SH3BP4: variants seen among roughly 807,000 people sequenced by gnomAD.
SH3BP4 encodes the protein SH3 domain-binding protein 4.
Under a neutral mutation model 65.5 loss-of-function variants are expected in SH3BP4, and 33 were observed. That is an observed-to-expected ratio of 0.50 (90% CI 0.38 to 0.67). The LOEUF is 0.67. Ranked by LOEUF, SH3BP4 falls within the 30% of genes least tolerant of loss-of-function variation. The pLI, the probability that SH3BP4 is intolerant of heterozygous loss-of-function variation, is 0.00. For missense variants in SH3BP4, 1,134 were observed against 1,261.4 expected, an observed-to-expected ratio of 0.90 and a Z score of 1.53; for synonymous variants, 552 against 545.5, an observed-to-expected ratio of 1.01 and a Z score of -0.17.
intron 2 of SH3BP4, among the ~76,000 whole-genome samples, chr2:235,002,640 T>A (rs1574809937): frequency 6.6e-6 from 1 of 152,204 alleles, no homozygotes; most frequent in East Asian, 1.9e-4. Context: ...GTGGGAGGAT[T>A]GATTGAGCCC....
chr2:235,028,244 T>C (rs1055465971), intron 2 of SH3BP4, among the ~76,000 whole-genome samples: 1 of 152,200 alleles, frequency 6.6e-6, no homozygotes, highest in African/African-American at 2.4e-5. Flanking sequence ...CTAGGGGGTC[T>C]TGAGATCCAG....
chr2:234,992,326 T>C (rs1693770408), intron 1 of SH3BP4, among the ~76,000 whole-genome samples: 1 of 151,980 alleles, frequency 6.6e-6, no homozygotes, highest in African/African-American at 2.4e-5. Flanking sequence ...TGCAGGTCGT[T>C]TTCTTCGGGG....
chr2:235,025,960 C>T (rs1369513351), intron 2 of SH3BP4, among the ~76,000 whole-genome samples: 1 of 152,120 alleles, frequency 6.6e-6, no homozygotes, highest in Non-Finnish European at 1.5e-5. Flanking sequence ...ATGGGATGTA[C>T]GGAGGAAGGT....
At chr2:235,000,361 G>C (rs1347768555) in intron 2 of SH3BP4, among the ~76,000 whole-genome samples, 1 of 152,202 alleles carries the variant, frequency 6.6e-6, no homozygotes, top group Admixed American at 6.5e-5. Flanking sequence ...TGACTGGGGG[G>C]TTGCCCCTGT....
chr2:235,042,594 C>A lies in SH3BP4; in HGVS notation c.1825C>A (p.Pro609Thr). The A allele has an allele frequency of 6.2e-7, 1 of 1,614,096 alleles. No homozygotes were observed. Among genetic ancestry groups the A allele is most frequent in the Non-Finnish European group, 8.5e-7 (1 of 1,180,028 alleles). Residue 609 changes from proline to threonine, a missense_variant, in exon 4 of 6, where the codon CCT becomes ACT. Coordinates refer to ENST00000392011, the MANE Select transcript of SH3BP4 (RefSeq NM_014521.3). This position sits in a 1 kb window ranked among gnomAD's most constrained non-coding sequence, Gnocchi z 7.3. The part of the protein sequence containing the change: ...AILTQFCVQT[P>T]QPPPKSAIKP... ...CCTCACCCAGTTTTGTGTCCAGACT[C>A]CTCAGCCACCCCCTAAAAGTGCCAT...
At chr2:234,960,498 A>G (rs541380438) in intron 1 of SH3BP4, among the ~76,000 whole-genome samples, 62 of 152,324 alleles carry the variant, frequency 4.1e-4, no homozygotes, top group African/African-American at 1.5e-3. Flanking sequence ...TCTGGGTGAC[A>G]TCAGGAGATC....
intron 3 of SH3BP4, among the ~76,000 whole-genome samples, chr2:235,038,926 T>C (rs933993410): frequency 3.9e-5 from 6 of 152,184 alleles, no homozygotes; most frequent in South Asian, 2.1e-4. Context: ...AAAGATAACA[T>C]TGGGGCCAGG....
intron 1 of SH3BP4, among the ~76,000 whole-genome samples, chr2:234,980,169 C>G (rs545149464): frequency 6.6e-6 from 1 of 152,300 alleles, no homozygotes; most frequent in African/African-American, 2.4e-5. Context: ...AGTAGTCCCC[C>G]CCTTATCTGC....
chr2:234,985,147 G>C (rs1693507212), intron 1 of SH3BP4, among the ~76,000 whole-genome samples: 1 of 152,190 alleles, frequency 6.6e-6, no homozygotes, highest in Non-Finnish European at 1.5e-5. Flanking sequence ...CCCCTATTTG[G>C]AGAATATCTT....
At chr2:234,984,978 C>G (rs1329031692) in intron 1 of SH3BP4, among the ~76,000 whole-genome samples, 4 of 152,158 alleles carry the variant, frequency 2.6e-5, no homozygotes, top group African/African-American at 9.7e-5. Flanking sequence ...AGCCATGAGA[C>G]TATGCCCTAG....
Position 234,972,134 on chromosome 2 carries a change from G to GT in SH3BP4, c.-207+19974dup, listed in dbSNP as rs944964472. 8.0e-3 allele frequency among the ~76,000 whole-genome samples: 914 copies of GT among 114,398 alleles called. 11 individuals carry two copies. The highest frequency in any genetic ancestry group is 0.029 in the Admixed American group (330 of 11,534). 75.0% of individuals were successfully genotyped at this position (114,398 alleles called of 152,430 possible). A position where few individuals can be genotyped will look rare whatever the true frequency, so the allele number is the denominator to read the frequency against. On this transcript the variant is annotated intron_variant, in intron 1 of 5. Transcript: ENST00000392011. ...CCGGCCTTTTTTTTTTTTGTTTTTT[G>GT]TTTTTTTTTTGTTTTGAGACAGTGT...
intron 2 of SH3BP4, among the ~76,000 whole-genome samples, chr2:235,016,724 T>A (rs1452688204): frequency 1.3e-5 from 2 of 152,240 alleles, no homozygotes; most frequent in African/African-American, 4.8e-5. Context: ...TTGGCCAGGA[T>A]GGTCTCGATC....
rs552687197 is a variant in SH3BP4, at chr2:234,952,471, C to G, written c.-207+301C>G. Among the ~76,000 whole-genome samples the G allele has an allele frequency of 3.3e-5, 5 of 151,360 alleles. No homozygotes were observed. The highest frequency in any genetic ancestry group is 7.4e-5 in the Non-Finnish European group (5 of 67,790). ...CGCAGCCCTCCGCGTGCGCTCGGGCCGCCCCCCAACCCCGGCTCTGGCCAC... is the reference window on the plus strand; with the variant it reads ...CGCAGCCCTCCGCGTGCGCTCGGGCGGCCCCCCAACCCCGGCTCTGGCCAC... On this transcript the variant is annotated intron_variant, in intron 1 of 5. Coordinates refer to ENST00000392011, the MANE Select transcript of SH3BP4 (RefSeq NM_014521.3). This position sits in a 1 kb window ranked among gnomAD's most constrained non-coding sequence, Gnocchi z 6.5.
At chr2:235,014,339 C>T (rs1006052528) in intron 2 of SH3BP4, among the ~76,000 whole-genome samples, 2 of 152,140 alleles carry the variant, frequency 1.3e-5, no homozygotes, top group African/African-American at 4.8e-5. Context: ...GGGGAGCTTA[C>T]CCTCTGTGTG....
At position 235,042,174 on chromosome 2, in the gene SH3BP4, T is replaced by G. The variant is rs1056445903; in HGVS notation, c.1405T>G (p.Phe469Val). 1.9e-6 allele frequency: 3 copies of G among 1,613,888 alleles called. No homozygotes were observed. Among genetic ancestry groups the G allele is most frequent in the Admixed American group, 3.3e-5 (2 of 59,988 alleles). The change falls in exon 4 of 6, where the codon TTC becomes GTC. Residue 469 changes from phenylalanine to valine, a missense_variant. Phe to Val is a conservative substitution (Grantham distance 50). Transcript: ENST00000392011. The surrounding 1 kb of genome is among the most constrained non-coding windows in gnomAD (Gnocchi z 7.3). ...CCTCTACCCTTCCACCGTGTGGGAC[T>G]TCATCAATAAAAAAGTCACAGTGGG... ...SILYPSTVWD[F>V]INKKVTVGLY...
intron 2 of SH3BP4, among the ~76,000 whole-genome samples, chr2:235,015,349 C>T (rs972718382): frequency 2.0e-5 from 3 of 152,158 alleles, no homozygotes; most frequent in Non-Finnish European, 4.4e-5. Flanking sequence ...CGATGAACCT[C>T]TGCAGAAGGC....
chr2:234,974,563 T>C lies in SH3BP4; in HGVS notation c.-206-20740T>C, dbSNP rs1271020583. ...GTCCACTTGGAAGCCCAGAAAAAGC[T>C]TCTGTGTTTAGCCCTTCAGTTTCTT... On this transcript the variant is annotated intron_variant, in intron 1 of 5. Transcript: ENST00000392011. The surrounding 1 kb of genome is among the most constrained non-coding windows in gnomAD (Gnocchi z 4.6). 6.6e-6 allele frequency among the ~76,000 whole-genome samples: 1 copy of C among 152,136 alleles called. No homozygotes were observed. The highest frequency in any genetic ancestry group is 1.5e-5 in the Non-Finnish European group (1 of 68,022).
chr2:235,023,390 T>C (rs536974045), intron 2 of SH3BP4, among the ~76,000 whole-genome samples: 1 of 152,034 alleles, frequency 6.6e-6, no homozygotes, highest in South Asian at 2.1e-4. Context: ...GTATTTAAAA[T>C]ACAAAAAAAT....
chr2:234,992,197 C>G (rs1480500273), intron 1 of SH3BP4, among the ~76,000 whole-genome samples: 1 of 152,146 alleles, frequency 6.6e-6, no homozygotes, highest in Non-Finnish European at 1.5e-5. Flanking sequence ...GGAGTTGGGG[C>G]GAGGTGGCAT....
Sources: allele counts gnomAD v4.1 joint callset (sites outside exome capture counted in the v4.1 genomes callset), GRCh38; gene constraint gnomAD v4.1.1; non-coding constraint Gnocchi (gnomAD v3.1); transcripts MANE v1.5; gene names NCBI Gene and HGNC (gene_info 2026-07-23, HGNC 2026-07-21).